USH2A: variants seen among roughly 807,000 people sequenced by gnomAD.
USH2A encodes the protein Usher syndrome 2A (autosomal recessive, mild).
Under a neutral mutation model 538.9 loss-of-function variants are expected in USH2A, and 443 were observed. The observed-to-expected ratio is 0.82, with a 90% confidence interval of 0.76 to 0.89. USH2A has a LOEUF of 0.89. USH2A is among the 40% of genes least tolerant of loss of function. The pLI is 0.00. For synonymous variants in USH2A, 2,413 were observed against 2,273.5 expected, an observed-to-expected ratio of 1.06 and a Z score of -1.75; for missense variants, 6,633 against 6,324.8, an observed-to-expected ratio of 1.05 and a Z score of -1.65.
chr1:216,365,674 T>C (rs1478840383), intron 3 of USH2A, among the ~76,000 whole-genome samples: 1 of 140,928 alleles, frequency 7.1e-6, no homozygotes. Context: ...TATTAGGGAT[T>C]AGCAATTTTT....
At chr1:216,026,313 A>C (rs1374726348) in intron 32 of USH2A, among the ~76,000 whole-genome samples, 2 of 152,202 alleles carry the variant, frequency 1.3e-5, no homozygotes, top group Non-Finnish European at 1.5e-5. Context: ...AAAATAATTG[A>C]TCAATTTTTT....
intron 2 of USH2A, 106 bp downstream of exon 2, chr1:216,421,746 G>T: frequency 1.3e-6 from 2 of 1,562,966 alleles, no homozygotes; most frequent in Non-Finnish European, 1.8e-6. Context: ...TCAATACCAT[G>T]AATTCTATAT....
intron 3 of USH2A, among the ~76,000 whole-genome samples, chr1:216,386,523 AAAACAAAAAC>A (rs1304993621): frequency 9.7e-6 from 1 of 103,434 alleles, no homozygotes; most frequent in East Asian, 3.1e-4. Flanking sequence ...AAACAAACAA[AAAACAAAAAC>A]CAAAAAACTA....
At chr1:215,638,464 A>G (rs1466605789) in intron 69 of USH2A, among the ~76,000 whole-genome samples, 1 of 152,014 alleles carries the variant, frequency 6.6e-6, no homozygotes, top group Non-Finnish European at 1.5e-5. Context: ...TACTGTAAAT[A>G]CAAGAATCAG....
chr1:216,325,433 C>T lies in USH2A; in HGVS notation c.1015G>A (p.Ala339Thr), dbSNP rs759394678. The change falls in exon 6 of 72, where the codon GCC (alanine) becomes ACC (threonine). Residue 339 changes from alanine (A) to threonine (T), a missense_variant. Ala to Thr is a moderately conservative substitution (Grantham distance 58, BLOSUM62 0). Coordinates refer to ENST00000307340, the MANE Select transcript of USH2A (RefSeq NM_206933.4). Reference protein sequence around the residue: ...DNRVSRLNPEAHPLSFVNDND... With the variant: ...DNRVSRLNPETHPLSFVNDND... ...TCATTGACAAAAGAGAGAGGATGGG[C>T]TTCAGGATTCAACCGTGACACTCTA... is the stretch of plus-strand genomic sequence containing the variant. 2 of 1,613,896 alleles carry T rather than the reference C, an allele frequency of 1.2e-6. No individual in the cohort carries two copies. The highest frequency in any genetic ancestry group is 1.7e-6 in the Non-Finnish European group (2 of 1,179,914).
At chr1:215,632,432 G>A (rs554085380) in intron 70 of USH2A, among the ~76,000 whole-genome samples, 4 of 152,314 alleles carry the variant, frequency 2.6e-5, no homozygotes, top group Admixed American at 1.3e-4. Flanking sequence ...TGATGGGAGT[G>A]TCTTCTGGTC....
intron 41 of USH2A, among the ~76,000 whole-genome samples, chr1:215,884,053 C>T (rs569478502): frequency 6.6e-6 from 1 of 152,026 alleles, no homozygotes; most frequent in Non-Finnish European, 1.5e-5. Context: ...GAACATCACA[C>T]ACTGGGGCCT....
intron 32 of USH2A, among the ~76,000 whole-genome samples, chr1:216,045,992 G>T (rs1385507363): frequency 7.0e-6 from 1 of 143,868 alleles, no homozygotes; most frequent in Non-Finnish European, 1.5e-5. Context: ...GATAACTATA[G>T]ACTCTATTTA....
chr1:215,976,419 C>A (rs1483469549), intron 35 of USH2A, among the ~76,000 whole-genome samples: 2 of 152,058 alleles, frequency 1.3e-5, no homozygotes, highest in African/African-American at 4.8e-5. Context: ...CCAGCTTCTA[C>A]CTGCTCTGTG....
chr1:215,798,787 GC>G, intron 50 of USH2A, 119 bp downstream of exon 50: 2 of 1,102,504 alleles, frequency 1.8e-6, no homozygotes, highest in Non-Finnish European at 2.7e-6. Context: ...CCTAATTATT[GC>G]ATTAGATATA....
At chr1:215,927,625 G>T (rs987739413) in intron 38 of USH2A, among the ~76,000 whole-genome samples, 36 of 152,138 alleles carry the variant, frequency 2.4e-4, no homozygotes, top group Middle Eastern at 6.8e-3. Context: ...ACTAGAAGGG[G>T]AACAGTGGGA....
chr1:215,938,196 A>G (rs1666554696), intron 37 of USH2A, among the ~76,000 whole-genome samples: 1 of 152,130 alleles, frequency 6.6e-6, no homozygotes, highest in South Asian at 2.1e-4. Flanking sequence ...GTAACTATAC[A>G]GCTGAGTGAG....
intron 4 of USH2A, among the ~76,000 whole-genome samples, chr1:216,351,698 C>CAGGG (rs34851395): frequency 0.39 from 58,855 of 151,608 alleles, 12,665 homozygotes; most frequent in African/African-American, 0.59. Context: ...AGCGGAGTGC[C>CAGGG]TGGAAGTAGT....
chr1:215,712,860 G>A (rs1659378513), intron 61 of USH2A, among the ~76,000 whole-genome samples: 2 of 151,624 alleles, frequency 1.3e-5, no homozygotes, highest in South Asian at 4.2e-4. Context: ...AGGCTGGAGT[G>A]CAGTGGCAGA....
intron 3 of USH2A, among the ~76,000 whole-genome samples, chr1:216,417,196 C>A (rs1233867635): frequency 6.6e-6 from 1 of 151,092 alleles, no homozygotes; most frequent in East Asian, 2.0e-4. Context: ...ATCTTAGTAT[C>A]TGAAAGCCAA....
Position 216,086,744 on chromosome 1 carries a change from A to G in USH2A, c.4962T>C (p.Ser1654=). 1 of 1,612,932 alleles carries G rather than the reference A, an allele frequency of 6.2e-7. No individual in the cohort carries two copies. The highest frequency in any genetic ancestry group is 1.3e-5 in the African/African-American group (1 of 74,986). The change falls in exon 24 of 72, where the codon AGT becomes AGC. Residue 1654 remains serine (S), a synonymous_variant. Coordinates refer to ENST00000307340, the MANE Select transcript of USH2A (RefSeq NM_206933.4). ...TGVFLGGLPR[S]YTILRKDPEI... ...CAGGATCCTTCCTGAGGATGGTATAACTTCGCGGGAGCCCTCCCAGAAAGA... is the reference window on the plus strand; with the variant it reads ...CAGGATCCTTCCTGAGGATGGTATAGCTTCGCGGGAGCCCTCCCAGAAAGA...
intron 19 of USH2A, chr1:216,194,161 C>T (rs572414710): frequency 3.9e-5 from 6 of 152,180 alleles, no homozygotes; most frequent in African/African-American, 1.4e-4. Context: ...AGGAAGGAGA[C>T]TCTAAAATGA....
Position 216,259,328 on chromosome 1 carries a change from G to A in USH2A, c.1972-8230C>T, listed in dbSNP as rs116261105. Among the ~76,000 whole-genome samples the A allele has an allele frequency of 1.5e-3, 223 of 152,206 alleles. 2 individuals are homozygous for A. Among genetic ancestry groups the A allele is most frequent in the Non-Finnish European group, 2.2e-3 (151 of 67,978 alleles). On this transcript the variant is annotated intron_variant, in intron 11 of 71. Transcript: ENST00000307340. The stretch of plus-strand genomic sequence containing the variant: ...GGAAAAAAAGATGTGTTTTAATGTA[G>A]TAACTACTCAAATAACTGAAATCTA...
chr1:215,634,245 C>T (rs759611533), intron 70 of USH2A, among the ~76,000 whole-genome samples: 18 of 152,188 alleles, frequency 1.2e-4, no homozygotes, highest in Non-Finnish European at 2.4e-4. Flanking sequence ...GAAGTCCAGG[C>T]AGTGATATTT....
Sources: allele counts gnomAD v4.1 joint callset (sites outside exome capture counted in the v4.1 genomes callset), GRCh38; gene constraint gnomAD v4.1.1; transcripts MANE v1.5; gene names NCBI Gene and HGNC (gene_info 2026-07-23, HGNC 2026-07-21).